The following RPL28 variants were observed in gnomAD, a reference collection of about 807,000 sequenced individuals.
RPL28 encodes the protein ribosomal protein L28, also known as large ribosomal subunit protein eL28.
A neutral mutation model predicts 12.5 loss-of-function variants in RPL28; 4 were observed. The observed-to-expected ratio is 0.32, with a 90% CI of 0.16 to 0.73. The LOEUF (loss-of-function observed/expected upper bound fraction) is 0.73, where lower values mean the gene tolerates loss of function less well. RPL28 is among the 30% of genes least tolerant of loss of function. The pLI is 0.66. For missense variants in RPL28, 214 were observed against 197.7 expected (o/e 1.08, Z -0.49); for synonymous variants, 91 against 72.5 (o/e 1.26, Z -1.30).
Position 55,388,670 on chromosome 19 carries a change from T to G in RPL28, c.*338T>G. On this transcript the variant is annotated 3_prime_UTR_variant, in exon 5 of 5. Transcript: ENST00000344063. ...TCCATTCAGAAGAAGAAAGGCCTTT[T>G]CTAGCCCAGAAGGGTGCAGGCTGAG... 1 of 1,107,050 alleles carries G rather than the reference T, an allele frequency of 9.0e-7. No homozygotes were observed. Among genetic ancestry groups the G allele is most frequent in the Non-Finnish European group, 1.1e-6 (1 of 908,576 alleles). The allele number at this position is 1,107,050 out of a possible 1,614,324, so 68.6% of individuals were successfully genotyped here. A position where few individuals can be genotyped will look rare whatever the true frequency, so the allele number is the denominator to read the frequency against.
intron 3 of RPL28, chr19:55,387,504 G>A (rs1414357770): frequency 2.1e-6 from 3 of 1,448,738 alleles, no homozygotes; most frequent in Non-Finnish European, 2.7e-6. Context: ...GCCCTTCCTA[G>A]ACTAAGGGAC....
In RPL28 at chr19:55,389,671, C is replaced by T. The variant is rs145886904; in HGVS notation, c.*1339C>T. On this transcript the variant is annotated 3_prime_UTR_variant, in exon 5 of 5. Coordinates refer to ENST00000344063, the MANE Select transcript of RPL28 (RefSeq NM_000991.5). ...CTGTCTGCTCCAGTCTTGCCCAGCT[C>T]GAAGGAGAGCAGATCTGACCACTTG... The T allele has an allele frequency of 4.3e-5, 42 of 985,546 alleles. No individual in the cohort carries two copies. In the East Asian group the frequency reaches 5.7e-4, roughly 13 times the overall value. 61.1% of individuals were successfully genotyped at this position (985,546 alleles called of 1,614,324 possible).
Position 55,392,012 on chromosome 19 carries a change from G to A in RPL28, c.*3680G>A, listed in dbSNP as rs1569043779. 6.3e-6 allele frequency: 7 copies of A among 1,105,606 alleles called. No homozygotes were observed. The highest frequency in any genetic ancestry group is 5.3e-5 in the East Asian group (1 of 18,916). The allele number at this position is 1,105,606 out of a possible 1,614,324, so 68.5% of individuals were successfully genotyped here. On this transcript the variant is annotated 3_prime_UTR_variant, in exon 5 of 5. Coordinates refer to ENST00000344063, the MANE Select transcript of RPL28 (RefSeq NM_000991.5). ...GCATTTCCAGCCCAGGCTGTTTGGCGCTGCCCAGGAATGGTATCAATTCCC... is the reference window on the plus strand; with the variant it reads ...GCATTTCCAGCCCAGGCTGTTTGGCACTGCCCAGGAATGGTATCAATTCCC...
At chr19:55,399,519 T>C (rs535791197) in intron 4 of RPL28, among the ~76,000 whole-genome samples, 113 of 152,286 alleles carry the variant, frequency 7.4e-4, no homozygotes, top group African/African-American at 2.3e-3. Context: ...AGACAAATCA[T>C]TGACCATTGG....
In RPL28 at chr19:55,388,804, C is replaced by T; in HGVS notation, c.*472C>T. The T allele has an allele frequency of 1.0e-6, 1 of 990,474 alleles. No homozygotes were observed. Among genetic ancestry groups the T allele is most frequent in the Non-Finnish European group, 1.2e-6 (1 of 833,528 alleles). The allele number at this position is 990,474 out of a possible 1,614,324, so 61.4% of individuals were successfully genotyped here. A position where few individuals can be genotyped will look rare whatever the true frequency, so the allele number is the denominator to read the frequency against. ...GAGGAAGATGAGATGACTTTTGCAT[C>T]CAGGGAGTGGGTGCAGCCACATTTG... On this transcript the variant is annotated 3_prime_UTR_variant, in exon 5 of 5. Transcript: ENST00000344063.
In RPL28 at chr19:55,391,547, T is replaced by G; in HGVS notation, c.*3215T>G. ...AGACTCGGGACTGAGGCATCCTCTG[T>G]TCACAGGACATGCTGGCATCTACTG... On this transcript the variant is annotated 3_prime_UTR_variant, in exon 5 of 5. Transcript: ENST00000344063. The G allele has an allele frequency of 1.3e-6, 2 of 1,526,168 alleles. No individual in the cohort carries two copies. The highest frequency in any genetic ancestry group is 8.9e-7 in the Non-Finnish European group (1 of 1,127,490). The allele number at this position is 1,526,168 out of a possible 1,614,324, so 94.5% of individuals were successfully genotyped here.
downstream of RPL28, among the ~76,000 whole-genome samples, chr19:55,395,520 T>C (rs984020976): frequency 4.0e-5 from 6 of 150,870 alleles, no homozygotes; most frequent in Non-Finnish European, 5.9e-5. Flanking sequence ...CTCGGCTCAC[T>C]GCAAGCTCCG....
chr19:55,389,858 G>T lies in RPL28; in HGVS notation c.*1526G>T. 1.0e-6 allele frequency: 1 copy of T among 984,198 alleles called. No individual in the cohort carries two copies. Among genetic ancestry groups the T allele is most frequent in the Non-Finnish European group, 1.2e-6 (1 of 828,900 alleles). 61.0% of individuals were successfully genotyped at this position (984,198 alleles called of 1,614,324 possible). A position where few individuals can be genotyped will look rare whatever the true frequency, so the allele number is the denominator to read the frequency against. On this transcript the variant is annotated 3_prime_UTR_variant, in exon 5 of 5. Transcript: ENST00000344063. ...ATCCCACTCAGGCCCACCTCCAGCT[G>T]GCCTCACTCCGCTGGTGACTTCGTA...
downstream of RPL28, chr19:55,403,275 A>G: frequency 1.7e-6 from 1 of 574,314 alleles, no homozygotes; most frequent in Non-Finnish European, 3.1e-6. Context: ...ACGGCATGTA[A>G]GCTCAGCTTT....
chr19:55,392,780 C>T (rs1490740426), downstream of RPL28, among the ~76,000 whole-genome samples: 5 of 151,970 alleles, frequency 3.3e-5, no homozygotes, highest in South Asian at 2.1e-4. Context: ...CCGTCCGCCT[C>T]GGTCCCCCAA....
At position 55,391,933 on chromosome 19, in the gene RPL28, G is replaced by A; in HGVS notation, c.*3601G>A. Reference sequence around the variant, plus strand: ...GTCTGCCCCGCCGTCCTGTGGGGCTGTGAGCTTTCCCAGCCTCCTGCCCGT... The same window carrying A: ...GTCTGCCCCGCCGTCCTGTGGGGCTATGAGCTTTCCCAGCCTCCTGCCCGT... On this transcript the variant is annotated 3_prime_UTR_variant, in exon 5 of 5. Coordinates refer to ENST00000344063, the MANE Select transcript of RPL28 (RefSeq NM_000991.5). 2 of 1,263,690 alleles carry A rather than the reference G, an allele frequency of 1.6e-6. No homozygotes were observed. The highest frequency in any genetic ancestry group is 1.5e-5 in the African/African-American group (1 of 65,520). The allele number at this position is 1,263,690 out of a possible 1,614,324, so 78.3% of individuals were successfully genotyped here. A position where few individuals can be genotyped will look rare whatever the true frequency, so the allele number is the denominator to read the frequency against.
At chr19:55,402,250 C>T (rs1296466919) in intron 4 of RPL28, among the ~76,000 whole-genome samples, 1 of 152,252 alleles carries the variant, frequency 6.6e-6, no homozygotes, top group Non-Finnish European at 1.5e-5. Context: ...GCGTGTTGGA[C>T]TCTAAAGCTC....
At chr19:55,395,558 C>T (rs2090016128), downstream of RPL28, among the ~76,000 whole-genome samples, 2 of 151,910 alleles carry the variant, frequency 1.3e-5, no homozygotes, top group East Asian at 1.9e-4. Flanking sequence ...ATTCTCCTGC[C>T]TCAGCCTCCC....
chr19:55,392,451 C>T (rs1041817405), downstream of RPL28, among the ~76,000 whole-genome samples: 1 of 152,026 alleles, frequency 6.6e-6, no homozygotes, highest in African/African-American at 2.4e-5. Flanking sequence ...CAGGCTGGTC[C>T]TGAAGTCCTG....
Position 55,386,447 on chromosome 19 carries a change from G to C in RPL28, c.81+9G>C, listed in dbSNP as rs368938799. 1.8e-5 allele frequency: 29 copies of C among 1,613,592 alleles called. No homozygotes were observed. In the African/African-American group the frequency reaches 2.7e-4, roughly 15 times the overall value. On this transcript the variant is annotated intron_variant, in intron 2 of 4. Transcript: ENST00000344063. ...AGCAGACCTACAGCACTGTAAGTGG[G>C]GCCCGGATGCGTGGCTCCTGCGGGA...
chr19:55,401,363 A>G, intron 4 of RPL28: 5 of 1,052,214 alleles, frequency 4.8e-6, no homozygotes, highest in Non-Finnish European at 6.8e-6. Context: ...CATAATTTAA[A>G]TAACTTAGAG....
chr19:55,387,331 G>A (rs1366882816), intron 3 of RPL28: 5 of 1,551,564 alleles, frequency 3.2e-6, no homozygotes, highest in Middle Eastern at 1.7e-4. Context: ...CAGAGCCAAG[G>A]GTCCTTTTAC....
intron 2 of RPL28, 56 bp from the exon 3 acceptor site, chr19:55,386,514 C>T: frequency 1.9e-6 from 3 of 1,600,584 alleles, no homozygotes; most frequent in East Asian, 2.2e-5. Context: ...GAGGGCGGGA[C>T]CTTCGCATGT....
At position 55,391,867 on chromosome 19, in the gene RPL28, G is replaced by A; in HGVS notation, c.*3535G>A. On this transcript the variant is annotated 3_prime_UTR_variant, in exon 5 of 5. Transcript: ENST00000344063. ...GCTCGTGTTTCCCAAGCACCTGGAA[G>A]ACATGCCAGATCCATGTGCAGTAAT... 7.2e-7 allele frequency: 1 copy of A among 1,385,794 alleles called. No individual in the cohort carries two copies. The highest frequency in any genetic ancestry group is 9.4e-7 in the Non-Finnish European group (1 of 1,062,462). The allele number at this position is 1,385,794 out of a possible 1,614,324, so 85.8% of individuals were successfully genotyped here.
Sources: gnomAD v4.1 joint callset for allele counts (sites outside exome capture counted in the v4.1 genomes callset) on GRCh38, gnomAD v4.1.1 for gene constraint, MANE v1.5 for transcripts, NCBI Gene and HGNC (gene_info 2026-07-23, HGNC 2026-07-21) for gene names.